COPA: variants seen among roughly 807,000 people sequenced by gnomAD.
COPA encodes the protein coatomer subunit alpha.
COPA carries 10 observed loss-of-function variants against 158.7 expected under a neutral mutation model. The ratio of observed to expected loss-of-function variants is 0.06; its 90% CI spans 0.04 to 0.11. The LOEUF (loss-of-function observed/expected upper bound fraction) is 0.11. COPA is among the 10% of genes least tolerant of loss of function. The pLI is 1.00. For missense variants in COPA, 1,065 were observed against 1,536.7 expected (o/e 0.69, Z 5.13); for synonymous variants, 462 against 542.8 (o/e 0.85, Z 2.07).
At chr1:160,333,701 G>T in intron 4 of COPA, 22 bp from the exon 5 acceptor site, 1 of 1,581,662 alleles carries the variant, frequency 6.3e-7, no homozygotes, top group Non-Finnish European at 8.7e-7. Flanking sequence ...TCCAGACAAA[G>T]GCTTTAAACA....
intron 21 of COPA, 49 bp from the exon 22 acceptor site, chr1:160,296,198 C>G (rs1440250491): frequency 6.5e-7 from 1 of 1,542,940 alleles, no homozygotes. Flanking sequence ...CAAATGCATG[C>G]TGCTGTGGTA....
intron 19 of COPA, among the ~76,000 whole-genome samples, 193 bp from the exon 20 acceptor site, chr1:160,297,938 G>A (rs1477152353): frequency 2.0e-5 from 3 of 152,162 alleles, no homozygotes; most frequent in Non-Finnish European, 4.4e-5. Context: ...CCAGCACTTT[G>A]GGAGGCCAAG....
chr1:160,288,645 C>T lies in COPA; in HGVS notation c.*1512G>A, dbSNP rs763375796. ...ATTTATTGAAAACATGAATTTAACA[C>T]GCAAAAAAGTACTTATTTTAATCGA... On this transcript the variant is annotated 3_prime_UTR_variant, in exon 33 of 33. Transcript: ENST00000241704. Among the ~76,000 whole-genome samples, 3 of 151,982 alleles carry T rather than the reference C, an allele frequency of 2.0e-5. No homozygotes were observed. Among genetic ancestry groups the T allele is most frequent in the Admixed American group, 1.3e-4 (2 of 15,246 alleles).
chr1:160,307,582 GCAAAGCAA>G (rs1658831572), intron 13 of COPA, among the ~76,000 whole-genome samples: 2 of 152,138 alleles, frequency 1.3e-5, no homozygotes, highest in Non-Finnish European at 2.9e-5. Context: ...CCAAGCTGCG[GCAAAGCAA>G]GCCTGTGTCA....
At chr1:160,290,439 C>T (rs1478512451) in intron 32 of COPA, 53 bp downstream of exon 32, 2 of 1,567,308 alleles carry the variant, frequency 1.3e-6, no homozygotes, top group Non-Finnish European at 1.7e-6. Flanking sequence ...ATGTTTCTTT[C>T]TTTTTCCCCT....
chr1:160,323,713 C>G (rs1309078436), intron 7 of COPA, among the ~76,000 whole-genome samples, 183 bp from the exon 8 acceptor site: 1 of 152,152 alleles, frequency 6.6e-6, no homozygotes, highest in Non-Finnish European at 1.5e-5. Flanking sequence ...CAATATTACC[C>G]CAAATTCTCA....
intron 8 of COPA, among the ~76,000 whole-genome samples, chr1:160,318,822 A>G (rs931907620): frequency 6.6e-6 from 1 of 152,034 alleles, no homozygotes; most frequent in Non-Finnish European, 1.5e-5. Flanking sequence ...TATTCTATCT[A>G]TAAGATTTTT....
At chr1:160,301,843 A>T (rs1658615498) in intron 17 of COPA, among the ~76,000 whole-genome samples, 1 of 151,986 alleles carries the variant, frequency 6.6e-6, no homozygotes, top group Non-Finnish European at 1.5e-5. Flanking sequence ...GTAAATGTTG[A>T]ATTTTACCAA....
intron 8 of COPA, chr1:160,317,788 G>A (rs116234003): frequency 6.6e-5 from 61 of 930,818 alleles, no homozygotes; most frequent in African/African-American, 5.1e-4. Context: ...TGTTAAAAAC[G>A]GAATTGAAAA....
chr1:160,305,543 A>G lies in COPA; in HGVS notation c.1557T>C (p.Asp519=), dbSNP rs368937719. Reference sequence around the variant, plus strand: ...TGTTCTCATGAATGTTACATAAAGCATCCAGTTTGCGGTTACAGATCACAA... The same window carrying G: ...TGTTCTCATGAATGTTACATAAAGCGTCCAGTTTGCGGTTACAGATCACAA... ...HAIVICNRKL[D]ALCNIHENIR... is the part of the protein sequence containing the mutation. The change falls in exon 17 of 33, where the codon GAT becomes GAC. Residue 519 remains aspartate, a synonymous_variant. Transcript: ENST00000241704. The G allele has an allele frequency of 1.2e-6, 2 of 1,614,218 alleles. No homozygotes were observed. The highest frequency in any genetic ancestry group is 2.7e-5 in the African/African-American group (2 of 75,060).
In COPA at chr1:160,332,464, G is replaced by T. The variant is rs369092759; in HGVS notation, c.480C>A (p.Arg160=). 58 of 1,611,576 alleles carry T rather than the reference G, an allele frequency of 3.6e-5. No homozygotes were observed. Among genetic ancestry groups the T allele is most frequent in the Non-Finnish European group, 4.1e-5 (48 of 1,179,322 alleles). ...GCAGCTCACCAGAAATATCCCAAAC[G>T]CGCACAGTCTGGTCCAGGCTGGCTG... ...VVSASLDQTV[R]VWDISGLRKK... The change falls in exon 6 of 33, where the codon CGC becomes CGA. Residue 160 remains arginine (R), a synonymous_variant. Transcript: ENST00000241704.
At chr1:160,324,615 C>G (rs1217209268) in intron 7 of COPA, among the ~76,000 whole-genome samples, 3 of 151,894 alleles carry the variant, frequency 2.0e-5, no homozygotes, top group Non-Finnish European at 2.9e-5. Flanking sequence ...CTTCTTCATT[C>G]TTATTCTTTC....
chr1:160,299,358 G>A, intron 17 of COPA, 94 bp from the exon 18 acceptor site: 1 of 1,262,076 alleles, frequency 7.9e-7, no homozygotes, highest in Non-Finnish European at 1.1e-6. Flanking sequence ...TTTGTCAAGT[G>A]CCATTTGAAC....
chr1:160,332,465 C>T lies in COPA; in HGVS notation c.479G>A (p.Arg160His), dbSNP rs1181245936. 2 of 1,612,434 alleles carry T rather than the reference C, an allele frequency of 1.2e-6. No homozygotes were observed. The highest frequency in any genetic ancestry group is 1.7e-6 in the Non-Finnish European group (2 of 1,179,542). Residue 160 changes from arginine (R) to histidine (H), a missense_variant, in exon 6 of 33, where the codon CGC (arginine) becomes CAC (histidine). Physicochemically the swap from Arg to His is conservative, Grantham distance 29 (BLOSUM62 0). Coordinates refer to ENST00000241704, the MANE Select transcript of COPA (RefSeq NM_004371.4). Reference protein sequence around the residue: ...VVSASLDQTVRVWDISGLRKK... With the variant: ...VVSASLDQTVHVWDISGLRKK... ...CAGCTCACCAGAAATATCCCAAACG[C>T]GCACAGTCTGGTCCAGGCTGGCTGA...
chr1:160,306,961 C>T (rs1158714001), intron 14 of COPA, among the ~76,000 whole-genome samples: 2 of 152,150 alleles, frequency 1.3e-5, no homozygotes, highest in African/African-American at 2.4e-5. Flanking sequence ...AGAGCCACGG[C>T]GATCATCAAC....
rs1336130041 is a variant in COPA, at chr1:160,314,116, G to A, written c.716C>T (p.Ala239Val). 1 of 1,611,922 alleles carries A rather than the reference G, an allele frequency of 6.2e-7. No homozygotes were observed. Among genetic ancestry groups the A allele is most frequent in the Non-Finnish European group, 8.5e-7 (1 of 1,179,228 alleles). ...GCCCCGGCAGGTATCAACCTCCCAT[G>A]CCTTTGATTCTGAAGGACAAAAAGA... ...VKIWRMNESKAWEVDTCRGHY... is the reference protein window; with the variant it reads ...VKIWRMNESKVWEVDTCRGHY... The change falls in exon 9 of 33, where the codon GCA (alanine) becomes GTA (valine). Residue 239 changes from alanine (A) to valine (V), a missense_variant. Ala to Val is a moderately conservative substitution (Grantham distance 64). Coordinates refer to ENST00000241704, the MANE Select transcript of COPA (RefSeq NM_004371.4).
intron 25 of COPA, among the ~76,000 whole-genome samples, chr1:160,294,125 G>GA (rs1658327499): frequency 1.3e-5 from 2 of 152,114 alleles, no homozygotes; most frequent in Non-Finnish European, 2.9e-5. Flanking sequence ...AAGTGACAAG[G>GA]CCACTAACTT....
rs1205317686 is a variant in COPA at position 160,313,119 on chromosome 1, T to A, written c.891A>T (p.Leu297=). The A allele has an allele frequency of 1.2e-6, 2 of 1,614,130 alleles. No individual in the cohort carries two copies. The highest frequency in any genetic ancestry group is 1.1e-5 in the South Asian group (1 of 91,082). The change falls in exon 10 of 33, where the codon CTA becomes CTT. Residue 297 remains leucine, a synonymous_variant. Coordinates refer to ENST00000241704, the MANE Select transcript of COPA (RefSeq NM_004371.4). ...AGAGGTTAAGGTTAGGGTGAGCAGC[T>A]AGGACCCAGAAACGATCATGGTCTC... is the stretch of plus-strand genomic sequence containing the variant. ...FRRDHDRFWV[L]AAHPNLNLFA...
At chr1:160,293,763 T>C (rs1320041790) in intron 25 of COPA, among the ~76,000 whole-genome samples, 1 of 152,152 alleles carries the variant, frequency 6.6e-6, no homozygotes, top group East Asian at 1.9e-4. Flanking sequence ...CCCAAAGTGC[T>C]AGCATTACAG....
Sources: allele counts gnomAD v4.1 joint callset (sites outside exome capture counted in the v4.1 genomes callset), GRCh38; gene constraint gnomAD v4.1.1; transcripts MANE v1.5; gene names NCBI Gene and HGNC (gene_info 2026-07-23, HGNC 2026-07-21).